Variants in ZPLD1 observed in about 807,000 individuals in gnomAD.
ZPLD1 encodes zona pellucida-like domain-containing protein 1.
In ZPLD1, 34 loss-of-function variants were observed where a neutral mutation model predicts 47.2. The observed-to-expected ratio is 0.72, with a 90% CI of 0.55 to 0.96. ZPLD1 has a LOEUF of 0.96. ZPLD1 is among the 40% of genes least tolerant of loss of function. ZPLD1 has a pLI of 0.00. For synonymous variants in ZPLD1, 176 were observed against 186.2 expected, an observed-to-expected ratio of 0.95 and a Z score of 0.45; for missense variants, 512 against 505.8, an observed-to-expected ratio of 1.01 and a Z score of -0.12.
At chr3:102,445,918 A>G (rs1223428959) in intron 3 of ZPLD1, among the ~76,000 whole-genome samples, 2 of 152,188 alleles carry the variant, frequency 1.3e-5, no homozygotes, top group Non-Finnish European at 2.9e-5. Flanking sequence ...ATTTTATATT[A>G]TTTAATGAGT....
intron 3 of ZPLD1, among the ~76,000 whole-genome samples, chr3:102,439,812 CCAA>C (rs1196759040): frequency 1.3e-5 from 2 of 152,076 alleles, no homozygotes; most frequent in African/African-American, 4.8e-5. Context: ...TCTAATAAGC[CCAA>C]CAGTAATTTC....
intron 7 of ZPLD1, among the ~76,000 whole-genome samples, chr3:102,416,855 C>T (rs1414626320): frequency 6.6e-6 from 1 of 151,814 alleles, no homozygotes; most frequent in African/African-American, 2.4e-5. Context: ...AGAATATGAG[C>T]CTGGATTTGT....
At position 102,479,235 on chromosome 3, in the gene ZPLD1, T is replaced by C. The variant is rs749823834; in HGVS notation, c.*1617T>C. 2 of 152,204 alleles carry C rather than the reference T, an allele frequency of 1.3e-5. No individual in the cohort carries two copies. Among genetic ancestry groups the C allele is most frequent in the Non-Finnish European group, 2.9e-5 (2 of 68,014 alleles). The allele number at this position is 152,204 out of a possible 1,614,324, so 9.4% of individuals were successfully genotyped here. A position where few individuals can be genotyped will look rare whatever the true frequency, so the allele number is the denominator to read the frequency against. ...TAAAAAGCCAATCTACTCTTCCCTG[T>C]GTTACTTTAAAATAACTTTGAAGTG... On this transcript the variant is annotated 3_prime_UTR_variant, in exon 12 of 12. Coordinates refer to ENST00000466937, the MANE Select transcript of ZPLD1 (RefSeq NM_001329788.2).
At chr3:102,396,196 C>T (rs1306049826) in intron 7 of ZPLD1, among the ~76,000 whole-genome samples, 1 of 152,142 alleles carries the variant, frequency 6.6e-6, no homozygotes, top group Non-Finnish European at 1.5e-5. Context: ...TGCTGTGCTT[C>T]ACTACTTTTA....
intron 7 of ZPLD1, among the ~76,000 whole-genome samples, chr3:102,399,749 A>G (rs1306383359): frequency 6.6e-6 from 1 of 152,074 alleles, no homozygotes; most frequent in Non-Finnish European, 1.5e-5. Context: ...AATTAGAATT[A>G]CTGGATCAAA....
At chr3:102,440,703 C>A in intron 3 of ZPLD1, among the ~76,000 whole-genome samples, 3 of 126,214 alleles carry the variant, frequency 2.4e-5, no homozygotes, top group African/African-American at 3.1e-5. Context: ...TGAAAATAGA[C>A]TACTATTTAG....
chr3:102,411,720 T>C (rs1347609526), intron 7 of ZPLD1, among the ~76,000 whole-genome samples: 1 of 151,786 alleles, frequency 6.6e-6, no homozygotes, highest in African/African-American at 2.4e-5. Flanking sequence ...ATTTCTTTCA[T>C]TTTGGGTATG....
chr3:102,410,939 T>C (rs76473070), intron 7 of ZPLD1, among the ~76,000 whole-genome samples: 1,634 of 151,956 alleles, frequency 0.011, 29 homozygotes, highest in African/African-American at 0.037. Context: ...AAAATATTTA[T>C]TGGACCAAAT....
In ZPLD1 at chr3:102,400,349, C is replaced by T. The variant is rs558571442; in HGVS notation, c.-157+8124C>T. Among the ~76,000 whole-genome samples the T allele has an allele frequency of 3.9e-5, 6 of 152,100 alleles. No individual in the cohort carries two copies. The East Asian group carries it at 7.8e-4, about 20-fold the overall frequency. On this transcript the variant is annotated intron_variant, in intron 7 of 17. Transcript: ENST00000491959. ...GAACACAGTCTCTCACATTTCCTGT[C>T]GCTAACTAAAGGATGAGTCGTAGGC...
intron 5 of ZPLD1, among the ~76,000 whole-genome samples, 171 bp downstream of exon 5, chr3:102,456,545 ATATCTATC>A (rs3077584): frequency 0.053 from 7,801 of 147,098 alleles, 247 homozygotes; most frequent in African/African-American, 0.083. Flanking sequence ...TTTATCTATT[ATATCTATC>A]TATCTATCTA....
intron 5 of ZPLD1, among the ~76,000 whole-genome samples, chr3:102,456,582 T>TATCTATCTATC (rs1415982883): frequency 7.1e-6 from 1 of 141,030 alleles, no homozygotes; most frequent in African/African-American, 2.5e-5. Flanking sequence ...TCTATCTATC[T>TATCTATCTATC]ATCTATCTAT....
chr3:102,447,001 C>T (rs1426075629), intron 3 of ZPLD1, among the ~76,000 whole-genome samples: 2 of 151,986 alleles, frequency 1.3e-5, no homozygotes, highest in Non-Finnish European at 2.9e-5. Context: ...ATAAGTAAAA[C>T]CAATTGCCTC....
At chr3:102,449,715 A>T (rs989130898) in intron 3 of ZPLD1, among the ~76,000 whole-genome samples, 1 of 152,124 alleles carries the variant, frequency 6.6e-6, no homozygotes, top group African/African-American at 2.4e-5. Flanking sequence ...ATTATTGTTA[A>T]TTTCTTACTG....
At chr3:102,460,396 A>G (rs906155346) in intron 6 of ZPLD1, among the ~76,000 whole-genome samples, 1 of 152,012 alleles carries the variant, frequency 6.6e-6, no homozygotes, top group African/African-American at 2.4e-5. Context: ...TTAGAAAACC[A>G]ATGACTTCTA....
At chr3:102,456,138 G>T in intron 4 of ZPLD1, 55 bp from the exon 5 acceptor site, 1 of 1,448,498 alleles carries the variant, frequency 6.9e-7, no homozygotes, top group Non-Finnish European at 9.4e-7. Context: ...CATATGAAGT[G>T]CCTAGATGTA....
chr3:102,455,647 T>C (rs1199310042), intron 4 of ZPLD1, among the ~76,000 whole-genome samples: 1 of 152,220 alleles, frequency 6.6e-6, no homozygotes. Context: ...AGGGTGTTGA[T>C]GATGGCTGAG....
intron 10 of ZPLD1, 48 bp downstream of exon 10, chr3:102,470,550 G>A (rs1221006822): frequency 6.7e-7 from 1 of 1,499,732 alleles, no homozygotes; most frequent in Non-Finnish European, 9.2e-7. Context: ...GTTCCAAAAT[G>A]CCTCGTTACT....
intron 7 of ZPLD1, among the ~76,000 whole-genome samples, chr3:102,411,138 G>T (rs192332116): frequency 6.7e-4 from 102 of 151,728 alleles, no homozygotes; most frequent in African/African-American, 2.4e-3. Context: ...AACACGAAGT[G>T]GTTTCAAAAG....
At chr3:102,392,102 C>A (rs886632429) in intron 6 of ZPLD1, 2 of 152,084 alleles carry the variant, frequency 1.3e-5, no homozygotes, top group African/African-American at 4.8e-5. Flanking sequence ...TAATCTGGCC[C>A]TTTACAGAAA....
Sources: gnomAD v4.1 joint callset for allele counts (sites outside exome capture counted in the v4.1 genomes callset) on GRCh38, gnomAD v4.1.1 for gene constraint, MANE v1.5 for transcripts, NCBI Gene and HGNC (gene_info 2026-07-23, HGNC 2026-07-21) for gene names.